Variants in PTPN4 observed in about 807,000 individuals in gnomAD.
The protein encoded by PTPN4 is tyrosine-protein phosphatase non-receptor type 4.
In PTPN4, 49 loss-of-function variants were observed where a neutral mutation model predicts 135.5. That is an observed-to-expected ratio of 0.36 (90% CI 0.29 to 0.46). The LOEUF is 0.46. Among genes scored for constraint, PTPN4 ranks in the 20% least tolerant of loss-of-function variants. The pLI is 1.00. For missense variants in PTPN4, 860 were observed against 1,101.0 expected (o/e 0.78, Z 3.10); for synonymous variants, 333 against 369.9 (o/e 0.90, Z 1.14).
intron 10 of PTPN4, among the ~76,000 whole-genome samples, chr2:119,909,872 A>G (rs542297366): frequency 6.6e-6 from 1 of 152,208 alleles, no homozygotes. Context: ...CAAGAGAACT[A>G]TTATTAAAAG....
At chr2:119,784,696 ATTTTTTTT>A (rs58879330) in intron 1 of PTPN4, among the ~76,000 whole-genome samples, 4 of 110,166 alleles carry the variant, frequency 3.6e-5, no homozygotes, top group Non-Finnish European at 7.2e-5. Flanking sequence ...TGCCCAGCTA[ATTTTTTTT>A]TTTTTTTTTT....
At chr2:119,821,774 C>T (rs1411601933) in intron 2 of PTPN4, among the ~76,000 whole-genome samples, 3 of 151,954 alleles carry the variant, frequency 2.0e-5, no homozygotes, top group African/African-American at 7.3e-5. Context: ...TTCTTTATAT[C>T]CTTCGTTTTT....
In PTPN4 at chr2:119,809,720, T is replaced by G. The variant is rs143625145; in HGVS notation, c.-17-117T>G. On this transcript the variant is annotated intron_variant, in intron 1 of 26. Coordinates refer to ENST00000263708, the MANE Select transcript of PTPN4 (RefSeq NM_002830.4). ...AATTCTTATTCTGGTGTTTCAAAAT[T>G]TATAACTGTTTTCCACCTAAGTTTT... 2.2e-5 allele frequency: 20 copies of G among 907,746 alleles called. No individual in the cohort carries two copies. In the East Asian group the frequency reaches 5.4e-4, roughly 25 times the overall value. The allele number at this position is 907,746 out of a possible 1,614,324, so 56.2% of individuals were successfully genotyped here.
chr2:119,864,365 T>C (rs577844705), intron 3 of PTPN4, among the ~76,000 whole-genome samples: 128 of 152,192 alleles, frequency 8.4e-4, no homozygotes, highest in African/African-American at 2.8e-3. Flanking sequence ...TCCTCAGATA[T>C]AAGGTTTTTT....
At chr2:119,803,261 G>T (rs1267884748) in intron 1 of PTPN4, among the ~76,000 whole-genome samples, 1 of 152,060 alleles carries the variant, frequency 6.6e-6, no homozygotes, top group East Asian at 1.9e-4. Flanking sequence ...CTTGAGGAGG[G>T]AGGTTAGATT....
chr2:119,889,343 C>T (rs1678207210), intron 9 of PTPN4, among the ~76,000 whole-genome samples: 2 of 152,100 alleles, frequency 1.3e-5, no homozygotes, highest in African/African-American at 2.4e-5. Flanking sequence ...TGGTGTGAAC[C>T]CTGGAGGCGG....
chr2:119,796,927 T>C (rs2104939728), intron 1 of PTPN4, among the ~76,000 whole-genome samples: 1 of 152,060 alleles, frequency 6.6e-6, no homozygotes, highest in African/African-American at 2.4e-5. Context: ...GGTAGTGATA[T>C]CGCATGGTTT....
At chr2:119,820,748 T>A (rs918596465) in intron 2 of PTPN4, among the ~76,000 whole-genome samples, 23 of 152,174 alleles carry the variant, frequency 1.5e-4, no homozygotes, top group Non-Finnish European at 2.9e-4. Flanking sequence ...ATTTGAGTCT[T>A]TGCCCTTATT....
At chr2:119,909,624 A>G (rs1408897957) in intron 10 of PTPN4, among the ~76,000 whole-genome samples, 2 of 152,188 alleles carry the variant, frequency 1.3e-5, no homozygotes, top group African/African-American at 4.8e-5. Context: ...CATATTTTGT[A>G]AGGCTGTAGT....
chr2:119,882,404 A>G, intron 7 of PTPN4, 99 bp from the exon 8 acceptor site: 1 of 1,212,176 alleles, frequency 8.2e-7, no homozygotes, highest in Non-Finnish European at 1.1e-6. Context: ...AAACATAAGT[A>G]TTTTACATCC....
intron 24 of PTPN4, 128 bp from the exon 25 acceptor site, chr2:119,965,369 A>T: frequency 1.1e-6 from 1 of 887,910 alleles, no homozygotes; most frequent in Non-Finnish European, 1.7e-6. Flanking sequence ...ATCAATGCTA[A>T]GTGTGCTGCA....
intron 15 of PTPN4, among the ~76,000 whole-genome samples, chr2:119,939,215 A>C (rs1354297551): frequency 6.6e-6 from 1 of 152,244 alleles, no homozygotes; most frequent in Non-Finnish European, 1.5e-5. Flanking sequence ...GAAGACAGTG[A>C]AGAATTCTCC....
chr2:119,816,707 T>C lies in PTPN4; in HGVS notation c.138+6716T>C, dbSNP rs181972196. Among the ~76,000 whole-genome samples the C allele has an allele frequency of 4.6e-5, 7 of 152,340 alleles. No homozygotes were observed. The East Asian group carries it at 9.6e-4, about 21-fold the overall frequency. ...AGTGACACCCAAAGTGTGTTGCTTA[T>C]GTCCAGTCTACTCCATAATCTCATT... On this transcript the variant is annotated intron_variant, in intron 2 of 26. Transcript: ENST00000263708.
intron 2 of PTPN4, among the ~76,000 whole-genome samples, chr2:119,838,013 C>T (rs983233658): frequency 5.9e-5 from 9 of 152,204 alleles, no homozygotes; most frequent in African/African-American, 1.4e-4. Context: ...GCCGGTAGCG[C>T]GAGCCAAGCT....
Position 119,977,033 on chromosome 2 carries a change from G to T in PTPN4, c.2744G>T (p.Gly915Val), listed in dbSNP as rs751556232. ...GCTATTTTGAAAGTTTATGAAGAAG[G>T]CTTTGTTAAACCCTTAACAACATCA... is the stretch of plus-strand genomic sequence containing the variant. ...CEAILKVYEE[G>V]FVKPLTTSTN... Residue 915 changes from glycine to valine, a missense_variant, in exon 27 of 27, where the codon GGC (glycine) becomes GTC (valine). Coordinates refer to ENST00000263708, the MANE Select transcript of PTPN4 (RefSeq NM_002830.4). The T allele has an allele frequency of 1.2e-6, 2 of 1,607,150 alleles. No homozygotes were observed. Among genetic ancestry groups the T allele is most frequent in the Middle Eastern group, 1.7e-4 (1 of 5,822 alleles).
At position 119,951,943 on chromosome 2, in the gene PTPN4, A is replaced by G. The variant is rs770885419; in HGVS notation, c.1657-30A>G. 1.1e-5 allele frequency: 17 copies of G among 1,539,622 alleles called. No homozygotes were observed. In the East Asian group the frequency reaches 1.6e-4, roughly 15 times the overall value. ...TCTACTTTCAGAAAGTTGCATGCCA[A>G]TCTGAAACCTTATCTATATTATATT... is the stretch of plus-strand genomic sequence containing the variant. On this transcript the variant is annotated intron_variant, in intron 18 of 26. Transcript: ENST00000263708.
chr2:119,865,385 C>T (rs1380494563), intron 3 of PTPN4, among the ~76,000 whole-genome samples: 1 of 152,056 alleles, frequency 6.6e-6, no homozygotes, highest in Non-Finnish European at 1.5e-5. Context: ...CAATACTTTC[C>T]TCACTTATGA....
chr2:119,925,767 T>G (rs936827070), intron 12 of PTPN4, among the ~76,000 whole-genome samples: 1 of 152,286 alleles, frequency 6.6e-6, no homozygotes, highest in African/African-American at 2.4e-5. Context: ...GACTATCAGA[T>G]CTATTACTTT....
chr2:119,857,086 T>C (rs1677691021), intron 2 of PTPN4, among the ~76,000 whole-genome samples: 1 of 152,026 alleles, frequency 6.6e-6, no homozygotes, highest in Non-Finnish European at 1.5e-5. Flanking sequence ...CTTATATTTT[T>C]AAATTTTTTT....
Sources: gnomAD v4.1 joint callset for allele counts (sites outside exome capture counted in the v4.1 genomes callset) on GRCh38, gnomAD v4.1.1 for gene constraint, MANE v1.5 for transcripts, NCBI Gene and HGNC (gene_info 2026-07-23, HGNC 2026-07-21) for gene names.